GOLGA3: variants seen among roughly 807,000 people sequenced by gnomAD.
GOLGA3 encodes the protein golgin subfamily A member 3.
GOLGA3 carries 75 observed loss-of-function variants against 169.4 expected under a neutral mutation model. The ratio of observed to expected loss-of-function variants is 0.44; its 90% CI spans 0.37 to 0.54. GOLGA3 has a LOEUF of 0.54. Ranked by LOEUF, GOLGA3 falls within the 20% of genes least tolerant of loss-of-function variation. The pLI, the probability that GOLGA3 is intolerant of heterozygous loss-of-function variation, is 0.00. For synonymous variants in GOLGA3, 824 were observed against 822.4 expected, an observed-to-expected ratio of 1.00 and a Z score of -0.03; for missense variants, 1,899 against 1,930.0, an observed-to-expected ratio of 0.98 and a Z score of 0.30.
chr12:132,796,082 A>G lies in GOLGA3; in HGVS notation c.2239T>C (p.Tyr747His), dbSNP rs777077060. The G allele has an allele frequency of 6.2e-7, 1 of 1,612,994 alleles. No homozygotes were observed. Among genetic ancestry groups the G allele is most frequent in the African/African-American group, 1.3e-5 (1 of 75,014 alleles). Residue 747 changes from tyrosine (Y) to histidine (H), a missense_variant, in exon 11 of 24, where the codon TAC becomes CAC. Coordinates refer to ENST00000450791, the MANE Select transcript of GOLGA3 (RefSeq NM_001389683.1). ...CCCAGCCTGGCCTGCAGCTCATCGTAGTGTGTCTGCAGGGCATCGAGGGAC... is the reference window on the plus strand; with the variant it reads ...CCCAGCCTGGCCTGCAGCTCATCGTGGTGTGTCTGCAGGGCATCGAGGGAC... ...EQSLDALQTH[Y>H]DELQARLGEL...
At chr12:132,798,656 C>T (rs1010693695) in intron 8 of GOLGA3, among the ~76,000 whole-genome samples, 179 bp from the exon 9 acceptor site, 3 of 135,192 alleles carry the variant, frequency 2.2e-5, no homozygotes, top group Non-Finnish European at 4.7e-5. Context: ...CTGGGCTCTG[C>T]GTGCCTGAGT....
At chr12:132,816,450 C>A in intron 3 of GOLGA3, 90 bp downstream of exon 3, 1 of 1,364,222 alleles carries the variant, frequency 7.3e-7, no homozygotes, top group Non-Finnish European at 1.0e-6. Flanking sequence ...CACACAACAG[C>A]TCAGACAGTG....
chr12:132,814,716 C>A (rs917283892), intron 3 of GOLGA3, among the ~76,000 whole-genome samples: 2 of 152,174 alleles, frequency 1.3e-5, no homozygotes, highest in Non-Finnish European at 2.9e-5. Flanking sequence ...GGGCTGGGGG[C>A]GGGTTACCTC....
At chr12:132,819,191 G>A (rs993349933) in intron 2 of GOLGA3, among the ~76,000 whole-genome samples, 4 of 152,118 alleles carry the variant, frequency 2.6e-5, no homozygotes, top group Non-Finnish European at 4.4e-5. Context: ...CGGATCCCAC[G>A]TGCATGCAGG....
Position 132,773,279 on chromosome 12 carries a change from G to A in GOLGA3, c.4323C>T (p.Ser1441=), listed in dbSNP as rs1433946853. Residue 1441 remains serine (S), a synonymous_variant, in exon 24 of 24, where the codon AGC becomes AGT. Transcript: ENST00000450791. ...CGTGCTCCTCCATCTGGCGCTGCAG[G>A]CTGTCCATCTCCTGCCTGGGACAGA... The part of the protein sequence containing the change: ...CLQQLKQEMD[S]LQRQMEEHAL... 2 of 1,435,204 alleles carry A rather than the reference G, an allele frequency of 1.4e-6. No homozygotes were observed. Among genetic ancestry groups the A allele is most frequent in the Admixed American group, 2.6e-5 (1 of 39,018 alleles). 88.9% of individuals were successfully genotyped at this position (1,435,204 alleles called of 1,614,324 possible). A position where few individuals can be genotyped will look rare whatever the true frequency, so the allele number is the denominator to read the frequency against.
chr12:132,775,108 C>T lies in GOLGA3; in HGVS notation c.4143+33G>A, dbSNP rs200322554. The stretch of plus-strand genomic sequence containing the variant: ...GTCCGAGAGCATCTACAGCGCACGT[C>T]GGCTACCCCGGGAGGGACGCGGGCC... On this transcript the variant is annotated intron_variant, in intron 22 of 23. Transcript: ENST00000450791. 1.9e-5 allele frequency: 31 copies of T among 1,595,140 alleles called. No homozygotes were observed. In the East Asian group the frequency reaches 4.5e-4, roughly 23 times the overall value.
intron 10 of GOLGA3, 121 bp downstream of exon 10, chr12:132,796,418 A>G: frequency 7.9e-7 from 1 of 1,265,100 alleles, no homozygotes; most frequent in Non-Finnish European, 1.1e-6. Context: ...CCGACAGCCC[A>G]ACTCCCACCT....
At chr12:132,776,035 G>A (rs550094961) in intron 21 of GOLGA3, among the ~76,000 whole-genome samples, 17 of 152,340 alleles carry the variant, frequency 1.1e-4, no homozygotes, top group Middle Eastern at 3.4e-3. Flanking sequence ...CTTTGCGAGC[G>A]CCCCACTGGA....
Position 132,777,581 on chromosome 12 carries a change from C to T in GOLGA3, c.3722+85G>A. On this transcript the variant is annotated intron_variant, in intron 19 of 23. Coordinates refer to ENST00000450791, the MANE Select transcript of GOLGA3 (RefSeq NM_001389683.1). The surrounding 1 kb of genome is among the most constrained non-coding windows in gnomAD (Gnocchi z 4.7). ...TCGGCAATTTGCAAAATATAGATGA[C>T]CCTCGCTGTGCTGAAGGTGTGAATT... The T allele has an allele frequency of 1.4e-6, 2 of 1,468,416 alleles. No individual in the cohort carries two copies. The highest frequency in any genetic ancestry group is 2.8e-5 in the African/African-American group (2 of 71,756). 91.0% of individuals were successfully genotyped at this position (1,468,416 alleles called of 1,614,324 possible).
chr12:132,816,842 T>G (rs1352699755), intron 2 of GOLGA3, 30 bp from the exon 3 acceptor site: 1 of 1,546,846 alleles, frequency 6.5e-7, no homozygotes, highest in Non-Finnish European at 8.7e-7. Context: ...TGGACCACCA[T>G]GGCTTTAACA....
At chr12:132,821,808 C>G (rs1187574325) in intron 2 of GOLGA3, among the ~76,000 whole-genome samples, 188 bp downstream of exon 2, 2 of 139,630 alleles carry the variant, frequency 1.4e-5, no homozygotes, top group African/African-American at 5.1e-5. Context: ...GAGCCGAGAT[C>G]ACGCCACTGC....
chr12:132,829,052 A>T (rs1293327698), upstream of GOLGA3, among the ~76,000 whole-genome samples: 1 of 152,198 alleles, frequency 6.6e-6, no homozygotes, highest in South Asian at 2.1e-4. Context: ...TCAGAAAGTG[A>T]CCTTAAGAGT....
At position 132,773,194 on chromosome 12, in the gene GOLGA3, G is replaced by A; in HGVS notation, c.4408C>T (p.Pro1470Ser). 2 of 1,582,278 alleles carry A rather than the reference G, an allele frequency of 1.3e-6. No homozygotes were observed. The highest frequency in any genetic ancestry group is 1.7e-6 in the Non-Finnish European group (2 of 1,162,906). ...CCGGCGTGACCCCCCGGGGGCACAG[G>A]GCTGGCAGTGGCTGGCTCCAGCGGC... ...WTPLEPATAS[P>S]VPPGGHAGPR... Residue 1470 changes from proline to serine, a missense_variant, in exon 24 of 24, where the codon CCT (proline) becomes TCT (serine). Transcript: ENST00000450791.
rs962889216 is a variant in GOLGA3 at position 132,825,713 on chromosome 12, C to T, written c.-184+3090G>A. On this transcript the variant is annotated intron_variant, in intron 1 of 23. Coordinates refer to ENST00000450791, the MANE Select transcript of GOLGA3 (RefSeq NM_001389683.1). ...AGTGGCCGGGAAGATGGCGGACATT[C>T]AGACTGAGCGTGCCTACCAAAAGCA... 4.1e-6 allele frequency: 6 copies of T among 1,477,204 alleles called. No individual in the cohort carries two copies. In the African/African-American group the frequency reaches 4.2e-5, roughly 10 times the overall value. The allele number at this position is 1,477,204 out of a possible 1,614,324, so 91.5% of individuals were successfully genotyped here. A position where few individuals can be genotyped will look rare whatever the true frequency, so the allele number is the denominator to read the frequency against.
intron 18 of GOLGA3, among the ~76,000 whole-genome samples, chr12:132,780,338 C>G (rs1185647147): frequency 6.6e-6 from 1 of 152,170 alleles, no homozygotes; most frequent in East Asian, 1.9e-4. Flanking sequence ...AGACAGGGCA[C>G]CTGGGGGTCA....
At position 132,772,708 on chromosome 12, in the gene GOLGA3, A is replaced by C; in HGVS notation, c.*397T>G. The C allele has an allele frequency of 5.8e-6, 1 of 172,606 alleles. No individual in the cohort carries two copies. The allele number at this position is 172,606 out of a possible 1,614,324, so 10.7% of individuals were successfully genotyped here. On this transcript the variant is annotated 3_prime_UTR_variant, in exon 24 of 24. Transcript: ENST00000450791. ...AAGCTCTTACTGAATGGAACAGGGAAGTGAGAAACTGCAGCCGGCCTGGCC... is the reference window on the plus strand; with the variant it reads ...AAGCTCTTACTGAATGGAACAGGGACGTGAGAAACTGCAGCCGGCCTGGCC...
chr12:132,781,185 T>C (rs1367398964), intron 17 of GOLGA3, among the ~76,000 whole-genome samples: 1 of 151,860 alleles, frequency 6.6e-6, no homozygotes, highest in Non-Finnish European at 1.5e-5. Context: ...AGGTTGAGGA[T>C]GCAGTGAGCT....
intron 13 of GOLGA3, among the ~76,000 whole-genome samples, chr12:132,787,371 CCCTCAGGACCCAGGACCCCT>C (rs1252229027): frequency 1.3e-5 from 2 of 151,930 alleles, no homozygotes; most frequent in African/African-American, 4.8e-5. Flanking sequence ...CTCCTCCAAA[CCCTCAGGACCCAGGACCCCT>C]CCCCAGGGCC....
At position 132,774,153 on chromosome 12, in the gene GOLGA3, G is replaced by A. The variant is rs769456273; in HGVS notation, c.4307+4C>T. On this transcript the variant is annotated splice_donor_region_variant and intron_variant, in intron 23 of 23. Transcript: ENST00000450791. ...CTGAAGTGCAGCACGGAATACGGTC[G>A]TACTTGAGCTGCTGGAGGCAGCTGT... 1.8e-5 allele frequency: 29 copies of A among 1,586,058 alleles called. No homozygotes were observed. Among genetic ancestry groups the A allele is most frequent in the Middle Eastern group, 1.7e-4 (1 of 5,940 alleles).
Sources: gnomAD v4.1 joint callset for allele counts (sites outside exome capture counted in the v4.1 genomes callset) on GRCh38, gnomAD v4.1.1 for gene constraint, Gnocchi (gnomAD v3.1) non-coding constraint, MANE v1.5 for transcripts, NCBI Gene and HGNC (gene_info 2026-07-23, HGNC 2026-07-21) for gene names.